OTOF: variants seen among roughly 807,000 people sequenced by gnomAD.
The protein encoded by OTOF is fer-1-like family member 2.
In OTOF, 218 loss-of-function variants were observed where a neutral mutation model predicts 236.8. The observed-to-expected ratio is 0.92, with a 90% CI of 0.82 to 1.03. OTOF has a LOEUF of 1.03. OTOF is among the 50% of genes least tolerant of loss of function. The pLI is 0.00. For synonymous variants in OTOF, 1,041 were observed against 1,072.5 expected (o/e 0.97, Z 0.57); for missense variants, 2,590 against 2,694.4 (o/e 0.96, Z 0.86).
In OTOF at chr2:26,475,928, T is replaced by C; in HGVS notation, c.2977A>G (p.Ser993Gly). 1 of 1,609,064 alleles carries C rather than the reference T, an allele frequency of 6.2e-7. No homozygotes were observed. Among genetic ancestry groups the C allele is most frequent in the Non-Finnish European group, 8.5e-7 (1 of 1,178,314 alleles). Residue 993 changes from serine (S) to glycine (G), a missense_variant, in exon 24 of 47, where the codon AGT becomes GGT. Coordinates refer to ENST00000272371, the MANE Select transcript of OTOF (RefSeq NM_194248.3). Reference sequence around the variant, plus strand: ...CAGGCCCTCACCTCTGTGCACTGACTCTGATTGATGAAGAAGACGCGGGCA... The same window carrying C: ...CAGGCCCTCACCTCTGTGCACTGACCCTGATTGATGAAGAAGACGCGGGCA... ...PFARVFFINQ[S>G]QCTEVLNETL...
Position 26,473,295 on chromosome 2 carries a change from C to T in OTOF, c.3571-1G>A. 6.2e-7 allele frequency: 1 copy of T among 1,613,294 alleles called. No homozygotes were observed. The highest frequency in any genetic ancestry group is 8.5e-7 in the Non-Finnish European group (1 of 1,179,864). On this transcript the variant is annotated splice_acceptor_variant, in intron 28 of 46. Coordinates refer to ENST00000272371, the MANE Select transcript of OTOF (RefSeq NM_194248.3). LOFTEE classifies it high-confidence loss of function. The surrounding 1 kb of genome is among the most constrained non-coding windows in gnomAD (Gnocchi z 7.2). ...GCAGCAGCTCGTTCTCTGGGAGGTC[C>T]TGGGGTGTTGGCGACAGGAGCCTGA...
At position 26,479,311 on chromosome 2, in the gene OTOF, G is replaced by A. The variant is rs147532019; in HGVS notation, c.2167C>T (p.Arg723Cys). 29 of 1,612,208 alleles carry A rather than the reference G, an allele frequency of 1.8e-5. No individual in the cohort carries two copies. Among genetic ancestry groups the A allele is most frequent in the South Asian group, 5.5e-5 (5 of 90,984 alleles). The change falls in exon 18 of 47, where the codon CGC becomes TGC. Residue 723 changes from arginine to cysteine, a missense_variant. This residue lies in a region of OTOF where 1,379 missense variants were observed against 1,341.6 expected (regional missense o/e 1.03). Transcript: ENST00000272371. ...ATGATGTTGGCATTGTAGAGGCGGC[G>A]GCGCTGGTCCGGCCACCAGCTCTTG... ...YIKSWWPDQR[R>C]RLYNANIMDH...
chr2:26,459,211 C>G lies in OTOF; in HGVS notation c.*17+797G>C, dbSNP rs151261022. ...ACCTGTTGGCTAACCCTGGCCACAC[C>G]CTTCCCTTTTCCCTGTCCATAGCTC... On this transcript the variant is annotated intron_variant, in intron 46 of 46. Coordinates refer to ENST00000272371, the MANE Select transcript of OTOF (RefSeq NM_194248.3). Among the ~76,000 whole-genome samples, 628 of 152,296 alleles carry G rather than the reference C, an allele frequency of 4.1e-3. 3 individuals are homozygous for G. The highest frequency in any genetic ancestry group is 0.013 in the African/African-American group (557 of 41,562).
chr2:26,528,225 C>T (rs913797630), intron 2 of OTOF, among the ~76,000 whole-genome samples: 4 of 152,340 alleles, frequency 2.6e-5, no homozygotes, highest in South Asian at 2.1e-4. Flanking sequence ...CCCTACACAG[C>T]GCTGCTTCCA....
rs1667654697 is a variant in OTOF at position 26,558,566 on chromosome 2, G to A, written c.6C>T (p.Ala2=). The A allele has an allele frequency of 6.2e-7, 1 of 1,613,750 alleles. No individual in the cohort carries two copies. Among genetic ancestry groups the A allele is most frequent in the Non-Finnish European group, 8.5e-7 (1 of 1,179,892 alleles). The part of the protein sequence containing the change: M[A]LLIHLKTVSE... ...AGACTGTCTTGAGGTGGATGAGCAA[G>A]GCCATGCTGGTGTGGGCTGCCTGGC... The change falls in exon 1 of 47, where the codon GCC becomes GCT. Residue 2 remains alanine (A), a synonymous_variant. Coordinates refer to ENST00000272371, the MANE Select transcript of OTOF (RefSeq NM_194248.3).
rs727504911 is a variant in OTOF, at chr2:26,519,102, C to G, written c.235G>C (p.Gly79Arg). Residue 79 changes from glycine to arginine, a missense_variant, in exon 4 of 47, where the codon GGG (glycine) becomes CGG (arginine). Gly to Arg is a moderately radical substitution (Grantham distance 125). Coordinates refer to ENST00000272371, the MANE Select transcript of OTOF (RefSeq NM_194248.3). ...TTCTGCAGCACCATGCGGAAGGTCC[C>G]GATGAGCCTGGGGATGGCAGAGGGG... The part of the protein sequence containing the change: ...YSKVFSNKLI[G>R]TFRMVLQKVV... 1.6e-5 allele frequency: 25 copies of G among 1,597,098 alleles called. No homozygotes were observed. The highest frequency in any genetic ancestry group is 2.1e-5 in the Non-Finnish European group (24 of 1,169,036).
intron 3 of OTOF, among the ~76,000 whole-genome samples, chr2:26,521,649 A>C (rs4665868): frequency 6.6e-6 from 1 of 152,212 alleles, no homozygotes; most frequent in Non-Finnish European, 1.5e-5. Flanking sequence ...TGTGCTGAGC[A>C]AGATTGGCCT....
In OTOF at chr2:26,466,810, C is replaced by CA; in HGVS notation, c.4403dup (p.Ser1469ValfsTer20). The CA allele has an allele frequency of 6.2e-7, 1 of 1,614,204 alleles. No homozygotes were observed. The highest frequency in any genetic ancestry group is 1.6e-4 in the Middle Eastern group (1 of 6,062). ...TGGAGTCGTAGCCGGCTTCCCGGGA[C>CA]ACGTCCTCTGGGAGTGGCACTTTGT... On this transcript the variant is annotated frameshift_variant, in exon 36 of 47. Coordinates refer to ENST00000272371, the MANE Select transcript of OTOF (RefSeq NM_194248.3). LOFTEE classifies it high-confidence loss of function.
chr2:26,483,652 C>G lies in OTOF; in HGVS notation c.1206-4G>C. ...CCCCTCGGGGAGCAGCAAGTTCCTG[C>G]CAGCACATACAGCCAGGGCCATGGT... On this transcript the variant is annotated splice_polypyrimidine_tract_variant and splice_region_variant and intron_variant, in intron 12 of 46. Coordinates refer to ENST00000272371, the MANE Select transcript of OTOF (RefSeq NM_194248.3). The G allele has an allele frequency of 6.2e-7, 1 of 1,611,574 alleles. No homozygotes were observed. Among genetic ancestry groups the G allele is most frequent in the Non-Finnish European group, 8.5e-7 (1 of 1,179,684 alleles).
At position 26,460,585 on chromosome 2, in the gene OTOF, C is replaced by T. The variant is rs1664412278; in HGVS notation, c.5813+62G>A. The T allele has an allele frequency of 6.8e-6, 9 of 1,330,022 alleles. No individual in the cohort carries two copies. The highest frequency in any genetic ancestry group is 2.3e-5 in the East Asian group (1 of 42,814). 82.4% of individuals were successfully genotyped at this position (1,330,022 alleles called of 1,614,324 possible). A position where few individuals can be genotyped will look rare whatever the true frequency, so the allele number is the denominator to read the frequency against. On this transcript the variant is annotated intron_variant, in intron 45 of 46. Transcript: ENST00000272371. The surrounding 1 kb of genome is among the most constrained non-coding windows in gnomAD (Gnocchi z 5.3). ...AGATGGGGTGTCTGGGGATCGTCTC[C>T]TTCCTGTTCCAGCGCCTCCAAGAGC...
chr2:26,551,868 CTCTTA>C (rs1490158112), intron 1 of OTOF, among the ~76,000 whole-genome samples: 7 of 151,974 alleles, frequency 4.6e-5, no homozygotes, highest in Non-Finnish European at 1.0e-4. Context: ...TTTATTTGAG[CTCTTA>C]TCTTTTATAA....
chr2:26,468,803 C>T lies in OTOF; in HGVS notation c.4024-329G>A, dbSNP rs1664850775. Among the ~76,000 whole-genome samples, 3 of 152,058 alleles carry T rather than the reference C, an allele frequency of 2.0e-5. No individual in the cohort carries two copies. The South Asian group carries it at 6.2e-4, about 32-fold the overall frequency. On this transcript the variant is annotated intron_variant, in intron 32 of 46. Coordinates refer to ENST00000272371, the MANE Select transcript of OTOF (RefSeq NM_194248.3). ...CATTCTGAAGAAACTGTCACAAGGA[C>T]AGAAAACCAAACACTGCATGTTCTC... is the stretch of plus-strand genomic sequence containing the variant.
chr2:26,459,952 G>A (rs1318267573), intron 46 of OTOF, 56 bp downstream of exon 46: 3 of 1,483,540 alleles, frequency 2.0e-6, no homozygotes, highest in Non-Finnish European at 1.8e-6. Flanking sequence ...ATATGTGTGT[G>A]TGTGCACGCG....
intron 1 of OTOF, among the ~76,000 whole-genome samples, chr2:26,544,010 T>C (rs1355225753): frequency 6.6e-6 from 1 of 152,270 alleles, no homozygotes; most frequent in Non-Finnish European, 1.5e-5. Flanking sequence ...CGTGGGCCAC[T>C]GCGCCCAGCT....
At chr2:26,520,372 T>G (rs1666646229) in intron 3 of OTOF, among the ~76,000 whole-genome samples, 1 of 152,192 alleles carries the variant, frequency 6.6e-6, no homozygotes, top group Admixed American at 6.5e-5. Context: ...CAGACATGCT[T>G]CATGTCTCTA....
rs1474051378 is a variant in OTOF, at chr2:26,464,064, A to G, written c.5003T>C (p.Leu1668Pro). 1 of 1,613,694 alleles carries G rather than the reference A, an allele frequency of 6.2e-7. No homozygotes were observed. The highest frequency in any genetic ancestry group is 8.5e-7 in the Non-Finnish European group (1 of 1,180,016). The change falls in exon 40 of 47, where the codon CTG (leucine) becomes CCG (proline). Residue 1668 changes from leucine (L) to proline (P), a missense_variant. Leu to Pro is a moderately conservative substitution (Grantham distance 98). This residue lies in a region of OTOF where 1,211 missense variants were observed against 1,352.8 expected (regional missense o/e 0.90). Coordinates refer to ENST00000272371, the MANE Select transcript of OTOF (RefSeq NM_194248.3). ...PTDEHVALLA[L>P]RHWEDIPRAG... ...GCGGGGGATGTCCTCCCAGTGCCTC[A>G]GGGCCAACAGCGCCACATGCTCGTC...
At chr2:26,483,149 G>T (rs1665607511) in intron 13 of OTOF, among the ~76,000 whole-genome samples, 1 of 151,376 alleles carries the variant, frequency 6.6e-6, no homozygotes, top group Admixed American at 6.6e-5. Context: ...GTCTGCATGT[G>T]TGAGTTGGTA....
chr2:26,483,845 G>C (rs538692287), intron 12 of OTOF, among the ~76,000 whole-genome samples, 197 bp from the exon 13 acceptor site: 2 of 152,308 alleles, frequency 1.3e-5, no homozygotes, highest in East Asian at 1.9e-4. Context: ...CTGAGCTGCC[G>C]TTTCCTCACT....
At chr2:26,552,663 G>A (rs1316659445) in intron 1 of OTOF, among the ~76,000 whole-genome samples, 3 of 152,198 alleles carry the variant, frequency 2.0e-5, no homozygotes, top group African/African-American at 7.2e-5. Flanking sequence ...CTTGCTCTGG[G>A]GGAGGGAGGA....
Sources: allele counts gnomAD v4.1 joint callset (sites outside exome capture counted in the v4.1 genomes callset), GRCh38; gene constraint gnomAD v4.1.1; regional missense constraint gnomAD v4.1.1; non-coding constraint Gnocchi (gnomAD v3.1); transcripts MANE v1.5; gene names NCBI Gene and HGNC (gene_info 2026-07-23, HGNC 2026-07-21).